The following BCKDHB variants were observed in gnomAD, a reference collection of about 807,000 sequenced individuals.
BCKDHB encodes 2-oxoisovalerate dehydrogenase subunit beta, mitochondrial.
A neutral mutation model predicts 48.5 loss-of-function variants in BCKDHB; 41 were observed. The ratio of observed to expected loss-of-function variants is 0.85; its 90% confidence interval spans 0.66 to 1.10. The LOEUF (loss-of-function observed/expected upper bound fraction) is 1.10, where lower values mean the gene tolerates loss of function less well. BCKDHB is among the 50% of genes least tolerant of loss of function. BCKDHB has a pLI of 0.00. For missense variants in BCKDHB, 496 were observed against 494.2 expected, an observed-to-expected ratio of 1.00 and a Z score of -0.03; for synonymous variants, 201 against 174.8, an observed-to-expected ratio of 1.15 and a Z score of -1.18.
At chr6:80,181,917 CAAAGAT>C (rs753592363) in intron 6 of BCKDHB, among the ~76,000 whole-genome samples, 83 of 152,122 alleles carry the variant, frequency 5.5e-4, no homozygotes, top group Admixed American at 1.9e-3. Flanking sequence ...AAAGTACAAA[CAAAGAT>C]AAAAGGAACT....
chr6:80,183,156 G>A (rs1293973748), intron 6 of BCKDHB, among the ~76,000 whole-genome samples: 1 of 151,918 alleles, frequency 6.6e-6, no homozygotes, highest in Non-Finnish European at 1.5e-5. Context: ...TCCCTTTCTT[G>A]CTTTCTCTAA....
At chr6:80,174,074 C>G (rs762211495) in intron 6 of BCKDHB, among the ~76,000 whole-genome samples, 3 of 152,142 alleles carry the variant, frequency 2.0e-5, no homozygotes, top group Non-Finnish European at 2.9e-5. Context: ...AGTATACTTG[C>G]AGTATCCATA....
chr6:80,446,918 T>G, the BCKDHB span, among the ~76,000 whole-genome samples: 1 of 152,084 alleles, frequency 6.6e-6, no homozygotes, highest in South Asian at 2.1e-4. Flanking sequence ...GAGATGTCAT[T>G]TGTGCTTTAT....
the BCKDHB span, among the ~76,000 whole-genome samples, chr6:80,419,590 C>A: frequency 6.6e-6 from 1 of 152,194 alleles, no homozygotes; most frequent in African/African-American, 2.4e-5. Context: ...CTCTGGGATC[C>A]ATATCAATTG....
In BCKDHB at chr6:80,129,186, T is replaced by C; in HGVS notation, c.300T>C (p.Phe100=). 1 of 1,610,828 alleles carries C rather than the reference T, an allele frequency of 6.2e-7. No homozygotes were observed. Among genetic ancestry groups the C allele is most frequent in the Non-Finnish European group, 8.5e-7 (1 of 1,177,906 alleles). ...TAATATTTGGTGAAGATGTTGCCTT[T>C]GGTGGAGTCTTTAGATGCACTGTTG... ...TAVIFGEDVA[F]GGVFRCTVGL... The change falls in exon 3 of 10, where the codon TTT becomes TTC. Residue 100 remains phenylalanine, a synonymous_variant. Coordinates refer to ENST00000320393, the MANE Select transcript of BCKDHB (RefSeq NM_183050.4).
chr6:80,207,425 A>T (rs1226262628), intron 8 of BCKDHB, among the ~76,000 whole-genome samples: 1 of 151,944 alleles, frequency 6.6e-6, no homozygotes, highest in Non-Finnish European at 1.5e-5. Flanking sequence ...TTAATAAGAG[A>T]ACTATAAATT....
At chr6:80,281,048 G>A (rs1240446704) in intron 9 of BCKDHB, among the ~76,000 whole-genome samples, 2 of 151,810 alleles carry the variant, frequency 1.3e-5, no homozygotes, top group African/African-American at 2.4e-5. Flanking sequence ...GTGTGTGTGT[G>A]TATAAGGTAA....
intron 9 of BCKDHB, among the ~76,000 whole-genome samples, chr6:80,323,928 A>G (rs1768883955): frequency 6.6e-6 from 1 of 151,976 alleles, no homozygotes; most frequent in Non-Finnish European, 1.5e-5. Flanking sequence ...GCCCGCCACT[A>G]CGGCCGGCTA....
intron 9 of BCKDHB, among the ~76,000 whole-genome samples, chr6:80,285,604 A>C (rs1766590468): frequency 1.3e-5 from 2 of 152,018 alleles, no homozygotes; most frequent in African/African-American, 4.8e-5. Context: ...AAAACAAACA[A>C]ACAAACAACT....
At chr6:80,307,100 A>G (rs113461148) in intron 9 of BCKDHB, among the ~76,000 whole-genome samples, 23 of 152,258 alleles carry the variant, frequency 1.5e-4, no homozygotes, top group African/African-American at 5.1e-4. Flanking sequence ...TAGTCCTTCA[A>G]CTTGTCTTCA....
At chr6:80,124,577 T>C (rs1193795866) in intron 1 of BCKDHB, among the ~76,000 whole-genome samples, 1 of 152,192 alleles carries the variant, frequency 6.6e-6, no homozygotes, top group Non-Finnish European at 1.5e-5. Flanking sequence ...GCTCCTGTAT[T>C]GGGTGCATAT....
the BCKDHB span, among the ~76,000 whole-genome samples, chr6:80,432,398 TA>T: frequency 6.6e-6 from 1 of 152,186 alleles, no homozygotes; most frequent in Admixed American, 6.5e-5. Flanking sequence ...CTTTTTTCTC[TA>T]ATCTTGTCTT....
Position 80,232,744 on chromosome 6 carries a change from GAT to G in BCKDHB, c.951+29535_951+29536del, listed in dbSNP as rs1301443785. 1.0e-4 allele frequency among the ~76,000 whole-genome samples: 14 copies of G among 137,718 alleles called. No homozygotes were observed. The East Asian group carries it at 2.6e-3, about 26-fold the overall frequency. The allele number at this position is 137,718 out of a possible 152,430, so 90.3% of individuals were successfully genotyped here. ...AAGAGATATGTATGTTCTATATAGA[GAT>G]ATGATATATGTTATAGATATAACAT... On this transcript the variant is annotated intron_variant, in intron 8 of 9. Coordinates refer to ENST00000320393, the MANE Select transcript of BCKDHB (RefSeq NM_183050.4).
In BCKDHB at chr6:80,167,654, C is replaced by T. The variant is rs73479953; in HGVS notation, c.344-24C>T. The T allele has an allele frequency of 0.061, 95,886 of 1,583,272 alleles. 5,055 individuals are homozygous for T. Among genetic ancestry groups the T allele is most frequent in the South Asian group, 0.23 (20,743 of 90,238 alleles). ...ACATTACTCTCATTTGCCACATTAA[C>T]CTTTTTTTCTTTTCTATTTTAAGGA... On this transcript the variant is annotated intron_variant, in intron 3 of 9. Transcript: ENST00000320393.
chr6:80,425,508 G>A, the BCKDHB span, among the ~76,000 whole-genome samples: 1 of 152,114 alleles, frequency 6.6e-6, no homozygotes, highest in Non-Finnish European at 1.5e-5. Context: ...AATTACATCT[G>A]GAGTATCTGA....
intron 8 of BCKDHB, among the ~76,000 whole-genome samples, chr6:80,224,540 A>C (rs1775599473): frequency 6.6e-6 from 1 of 152,042 alleles, no homozygotes; most frequent in Non-Finnish European, 1.5e-5. Context: ...CTATAGGTGC[A>C]CACCACCACA....
chr6:80,140,473 G>A (rs1417387570), intron 3 of BCKDHB, among the ~76,000 whole-genome samples: 8 of 152,072 alleles, frequency 5.3e-5, no homozygotes, highest in Non-Finnish European at 1.0e-4. Context: ...TTTGAGATAC[G>A]TCCCATGAAT....
chr6:80,132,689 T>C (rs982918666), intron 3 of BCKDHB, among the ~76,000 whole-genome samples: 3 of 152,200 alleles, frequency 2.0e-5, no homozygotes, highest in African/African-American at 7.2e-5. Flanking sequence ...TGTGAATTTT[T>C]ACAATAGTTT....
chr6:80,338,271 G>A (rs193212552), intron 9 of BCKDHB, among the ~76,000 whole-genome samples: 8 of 152,268 alleles, frequency 5.3e-5, no homozygotes, highest in African/African-American at 1.9e-4. Context: ...GTGTGTATAC[G>A]TTCATTACAT....
Sources: gnomAD v4.1 joint callset for allele counts (sites outside exome capture counted in the v4.1 genomes callset) on GRCh38, gnomAD v4.1.1 for gene constraint, MANE v1.5 for transcripts, NCBI Gene and HGNC (gene_info 2026-07-23, HGNC 2026-07-21) for gene names.